Variants in PPARGC1A observed in about 807,000 individuals in gnomAD.
The protein encoded by PPARGC1A is peroxisome proliferator-activated receptor gamma coactivator 1-alpha.
A neutral mutation model predicts 88.7 loss-of-function variants in PPARGC1A; 25 were observed. The observed-to-expected ratio is 0.28, with a 90% CI of 0.21 to 0.39. The LOEUF is 0.39. Among genes scored for constraint, PPARGC1A ranks in the 10% least tolerant of loss-of-function variants. PPARGC1A has a pLI of 1.00. For missense variants in PPARGC1A, 880 were observed against 968.7 expected (o/e 0.91, Z 1.22); for synonymous variants, 363 against 355.6 (o/e 1.02, Z -0.24).
chr4:24,344,908 T>C, the PPARGC1A span, among the ~76,000 whole-genome samples: 2 of 152,198 alleles, frequency 1.3e-5, no homozygotes, highest in Admixed American at 6.5e-5. Flanking sequence ...AAGTTGTTAA[T>C]CCATCTTGAG....
the PPARGC1A span, among the ~76,000 whole-genome samples, chr4:24,091,036 T>G: frequency 2.6e-5 from 4 of 152,168 alleles, no homozygotes; most frequent in Admixed American, 2.0e-4. Flanking sequence ...AATGGTCACC[T>G]CATTAAAAAT....
chr4:23,981,766 T>C, the PPARGC1A span, among the ~76,000 whole-genome samples: 9 of 152,318 alleles, frequency 5.9e-5, no homozygotes, highest in South Asian at 1.9e-3. Context: ...TTTTGCTGTT[T>C]TGTTTTGCTT....
chr4:24,452,442 G>A, the PPARGC1A span, among the ~76,000 whole-genome samples: 1 of 151,984 alleles, frequency 6.6e-6, no homozygotes, highest in African/African-American at 2.4e-5. Flanking sequence ...CTACTCTCTC[G>A]ACCTCATTCC....
chr4:24,071,140 C>T, the PPARGC1A span, among the ~76,000 whole-genome samples: 1 of 152,154 alleles, frequency 6.6e-6, no homozygotes, highest in African/African-American at 2.4e-5. Context: ...CCTAGAAGGC[C>T]AGGACATCCT....
chr4:23,922,767 C>T, the PPARGC1A span, among the ~76,000 whole-genome samples: 1 of 152,176 alleles, frequency 6.6e-6, no homozygotes, highest in African/African-American at 2.4e-5. Context: ...ATATTCCGCG[C>T]CACTGGAGGC....
intron 2 of PPARGC1A, chr4:23,883,348 T>A (rs1181374902): frequency 1.3e-5 from 2 of 152,228 alleles, no homozygotes; most frequent in African/African-American, 4.8e-5. Context: ...TAACTCTACC[T>A]CCGTGCCAAC....
At chr4:23,937,872 T>C in the PPARGC1A span, among the ~76,000 whole-genome samples, 12 of 152,318 alleles carry the variant, frequency 7.9e-5, no homozygotes, top group Non-Finnish European at 1.5e-4. Context: ...CATTCAATTA[T>C]ACGACTTCTC....
At chr4:24,317,761 A>C in the PPARGC1A span, among the ~76,000 whole-genome samples, 1 of 151,848 alleles carries the variant, frequency 6.6e-6, no homozygotes, top group Non-Finnish European at 1.5e-5. Flanking sequence ...ATCCACCTAT[A>C]CGCAAGCACA....
the PPARGC1A span, among the ~76,000 whole-genome samples, chr4:23,996,241 G>C: frequency 6.6e-6 from 1 of 152,154 alleles, no homozygotes; most frequent in Non-Finnish European, 1.5e-5. Context: ...GCAGTAAGCA[G>C]CTCCCCCATT....
the PPARGC1A span, among the ~76,000 whole-genome samples, chr4:24,333,934 CAACAACAAA>C: frequency 1.8e-3 from 25 of 14,146 alleles, no homozygotes; most frequent in East Asian, 0.055. Flanking sequence ...ACTCCAACAA[CAACAACAAA>C]AAAAAAAAAA....
intron 10 of PPARGC1A, among the ~76,000 whole-genome samples, chr4:23,805,911 G>A (rs754698482): frequency 1.3e-5 from 2 of 152,152 alleles, no homozygotes; most frequent in Non-Finnish European, 2.9e-5. Flanking sequence ...TCGACCATAT[G>A]TATGCCCATA....
upstream of PPARGC1A, among the ~76,000 whole-genome samples, chr4:23,900,418 A>G (rs1318927150): frequency 6.6e-6 from 1 of 152,214 alleles, no homozygotes; most frequent in Non-Finnish European, 1.5e-5. Flanking sequence ...TACCTAAACT[A>G]TCTGAACCTC....
the PPARGC1A span, among the ~76,000 whole-genome samples, chr4:24,220,480 CATCAACGGTGGATTGG>C: frequency 6.6e-6 from 1 of 152,192 alleles, no homozygotes; most frequent in Non-Finnish European, 1.5e-5. Flanking sequence ...CCCAGGTACC[CATCAACGGTGGATTGG>C]ATAAAGAAAA....
chr4:24,401,156 C>A, the PPARGC1A span, among the ~76,000 whole-genome samples: 1 of 150,818 alleles, frequency 6.6e-6, no homozygotes, highest in Non-Finnish European at 1.5e-5. Flanking sequence ...GTAGCTGGGG[C>A]TACAGGCGCC....
chr4:24,194,668 A>ACACACAC, the PPARGC1A span, among the ~76,000 whole-genome samples: 1 of 12,264 alleles, frequency 8.2e-5, no homozygotes, highest in African/African-American at 2.3e-4. Flanking sequence ...ACACACACAC[A>ACACACAC]CCCCCATCAA....
At chr4:24,394,092 C>CTGAGCCTT in the PPARGC1A span, among the ~76,000 whole-genome samples, 4 of 152,192 alleles carry the variant, frequency 2.6e-5, no homozygotes, top group African/African-American at 9.7e-5. Flanking sequence ...AATACTTTGT[C>CTGAGCCTT]TGAGCCTGCT....
At chr4:23,965,217 G>T in the PPARGC1A span, among the ~76,000 whole-genome samples, 3 of 152,166 alleles carry the variant, frequency 2.0e-5, no homozygotes, top group Admixed American at 2.0e-4. Flanking sequence ...TGGTCCTAGA[G>T]ATCACCCATC....
At chr4:23,969,917 G>A in the PPARGC1A span, among the ~76,000 whole-genome samples, 4 of 152,300 alleles carry the variant, frequency 2.6e-5, no homozygotes, top group East Asian at 1.9e-4. Flanking sequence ...CGGGATGGGG[G>A]AGGACTTCCC....
the PPARGC1A span, among the ~76,000 whole-genome samples, chr4:24,291,675 G>A: frequency 1.4e-3 from 213 of 152,292 alleles, 1 homozygote; most frequent in African/African-American, 4.8e-3. Flanking sequence ...CCCGAAGCCC[G>A]TGCTCTTCTT....
Sources: gnomAD v4.1 joint callset for allele counts (sites outside exome capture counted in the v4.1 genomes callset) on GRCh38, gnomAD v4.1.1 for gene constraint, MANE v1.5 for transcripts, NCBI Gene and HGNC (gene_info 2026-07-23, HGNC 2026-07-21) for gene names.